The following GRID2 variants were observed in gnomAD, a reference collection of about 807,000 sequenced individuals.
GRID2 encodes the protein glutamate receptor ionotropic, delta-2.
Under a neutral mutation model 114.8 loss-of-function variants are expected in GRID2, and 33 were observed. The observed-to-expected ratio is 0.29, with a 90% CI of 0.22 to 0.38. GRID2 has a LOEUF of 0.38. Among genes scored for constraint, GRID2 ranks in the 10% least tolerant of loss-of-function variants. The probability of loss-of-function intolerance (pLI) is 1.00; values close to 1 mark genes in which losing one functional copy is unlikely to be tolerated. For synonymous variants in GRID2, 505 were observed against 449.9 expected (o/e 1.12, Z -1.55); for missense variants, 1,184 against 1,257.7 (o/e 0.94, Z 0.89).
chr4:92,346,946 C>T (rs985985784), intron 1 of GRID2, among the ~76,000 whole-genome samples: 1 of 152,142 alleles, frequency 6.6e-6, no homozygotes, highest in African/African-American at 2.4e-5. Flanking sequence ...CTATCTATCT[C>T]ATCATCTTTT....
At chr4:93,569,383 G>T (rs541410191) in intron 13 of GRID2, among the ~76,000 whole-genome samples, 3 of 151,838 alleles carry the variant, frequency 2.0e-5, no homozygotes, top group Non-Finnish European at 4.4e-5. Context: ...CTCAACTCAC[G>T]CATCCTTTTG....
At position 92,316,278 on chromosome 4, in the gene GRID2, A is replaced by G. The variant is rs568194064; in HGVS notation, c.88+11534A>G. On this transcript the variant is annotated intron_variant, in intron 1 of 15. Coordinates refer to ENST00000282020, the MANE Select transcript of GRID2 (RefSeq NM_001510.4). Reference sequence around the variant, plus strand: ...AGCCCAGTAGAAGCATGGCCTATATAAGAACCATTATACATTTCTTCTTAA... The same window carrying G: ...AGCCCAGTAGAAGCATGGCCTATATGAGAACCATTATACATTTCTTCTTAA... Among the ~76,000 whole-genome samples, 23 of 152,268 alleles carry G rather than the reference A, an allele frequency of 1.5e-4. No individual in the cohort carries two copies. In the East Asian group the frequency reaches 4.2e-3, roughly 28 times the overall value.
At chr4:93,167,514 T>A (rs1388937460) in intron 4 of GRID2, among the ~76,000 whole-genome samples, 1 of 152,088 alleles carries the variant, frequency 6.6e-6, no homozygotes, top group African/African-American at 2.4e-5. Flanking sequence ...TTGGGTAGGC[T>A]CCTTTTTTGA....
chr4:92,458,327 C>T (rs925496585), intron 1 of GRID2, among the ~76,000 whole-genome samples: 1 of 152,078 alleles, frequency 6.6e-6, no homozygotes, highest in Non-Finnish European at 1.5e-5. Context: ...GTGACCTTGG[C>T]GATTTCATAT....
Position 92,738,941 on chromosome 4 carries a change from T to A in GRID2, c.244+148655T>A, listed in dbSNP as rs769302857. Among the ~76,000 whole-genome samples the A allele has an allele frequency of 3.9e-5, 6 of 152,178 alleles. No homozygotes were observed. In the South Asian group the frequency reaches 8.3e-4, roughly 21 times the overall value. The stretch of plus-strand genomic sequence containing the variant: ...TGTTGGCCTCCCAAAGTGCTGGGAT[T>A]ACAGGCAGGCGCCGTAACACACAGT... On this transcript the variant is annotated intron_variant, in intron 2 of 15. Coordinates refer to ENST00000282020, the MANE Select transcript of GRID2 (RefSeq NM_001510.4).
chr4:93,285,831 G>T (rs1046341755), intron 8 of GRID2, among the ~76,000 whole-genome samples: 1 of 151,906 alleles, frequency 6.6e-6, no homozygotes, highest in African/African-American at 2.4e-5. Flanking sequence ...GGGTAAGATT[G>T]CATAATTTGT....
rs1475428922 is a variant in GRID2, at chr4:93,745,316, G to GA, written c.2361-23887dup. 3.3e-5 allele frequency among the ~76,000 whole-genome samples: 5 copies of GA among 151,998 alleles called. No individual in the cohort carries two copies. In the East Asian group the frequency reaches 9.7e-4, roughly 29 times the overall value. On this transcript the variant is annotated intron_variant, in intron 14 of 15. Transcript: ENST00000282020. ...CCTTTACTGAATCACAGCAGACTTAGAAAAAAAGAGAGAATAGAAATCAAT... is the reference window on the plus strand; with the variant it reads ...CCTTTACTGAATCACAGCAGACTTAGAAAAAAAAGAGAGAATAGAAATCAAT...
chr4:92,450,017 C>T (rs1252559684), intron 1 of GRID2, among the ~76,000 whole-genome samples: 1 of 151,916 alleles, frequency 6.6e-6, no homozygotes, highest in Non-Finnish European at 1.5e-5. Flanking sequence ...AATATTCTAT[C>T]ATGGGTATCA....
chr4:92,858,035 C>G (rs567374774), intron 2 of GRID2, among the ~76,000 whole-genome samples: 1 of 152,194 alleles, frequency 6.6e-6, no homozygotes, highest in Non-Finnish European at 1.5e-5. Context: ...TACTGAGTAT[C>G]TTAAGCCCAC....
chr4:93,658,940 G>A (rs1487278973), intron 14 of GRID2, among the ~76,000 whole-genome samples: 2 of 152,122 alleles, frequency 1.3e-5, no homozygotes, highest in African/African-American at 4.8e-5. Context: ...ATGGCTCAGA[G>A]GATAAGTTTT....
At position 93,179,734 on chromosome 4, in the gene GRID2, G is replaced by A. The variant is rs371852079; in HGVS notation, c.736-27670G>A. On this transcript the variant is annotated intron_variant, in intron 4 of 15. Transcript: ENST00000282020. ...AAGCTTGGAAGAATTACATAATAACGTAACCAAGGTACCACAAAAATAGTA... is the reference window on the plus strand; with the variant it reads ...AAGCTTGGAAGAATTACATAATAACATAACCAAGGTACCACAAAAATAGTA... 3.4e-4 allele frequency among the ~76,000 whole-genome samples: 51 copies of A among 152,142 alleles called. 1 individual carries two copies. The East Asian group carries it at 7.7e-3, about 23-fold the overall frequency.
At chr4:93,392,239 T>TA (rs753110177) in intron 8 of GRID2, among the ~76,000 whole-genome samples, 50 of 151,788 alleles carry the variant, frequency 3.3e-4, no homozygotes, top group Middle Eastern at 3.4e-3. Flanking sequence ...GACTCATTGT[T>TA]AAAAAAAACA....
chr4:92,341,714 C>T (rs1371777775), intron 1 of GRID2, among the ~76,000 whole-genome samples: 1 of 151,858 alleles, frequency 6.6e-6, no homozygotes, highest in African/African-American at 2.4e-5. Flanking sequence ...AGATTGAGAC[C>T]ATCCTGGCTA....
At chr4:92,672,413 A>G (rs12643408) in intron 2 of GRID2, among the ~76,000 whole-genome samples, 9,254 of 152,170 alleles carry the variant, frequency 0.061, 339 homozygotes, top group East Asian at 0.16. Flanking sequence ...ATGTTAAAAT[A>G]CATGTAATAG....
At chr4:92,652,856 A>C (rs947277994) in intron 2 of GRID2, among the ~76,000 whole-genome samples, 21 of 109,748 alleles carry the variant, frequency 1.9e-4, no homozygotes, top group African/African-American at 6.5e-4. Context: ...TATATATAAT[A>C]TATAAATACA....
chr4:92,333,118 A>G (rs756094305), intron 1 of GRID2, among the ~76,000 whole-genome samples: 1 of 152,240 alleles, frequency 6.6e-6, no homozygotes, highest in African/African-American at 2.4e-5. Flanking sequence ...CTGGTCTCCC[A>G]GGCTGTCTGA....
chr4:92,390,090 C>G (rs1730168029), intron 1 of GRID2, among the ~76,000 whole-genome samples: 1 of 152,016 alleles, frequency 6.6e-6, no homozygotes, highest in African/African-American at 2.4e-5. Context: ...AGCACAATTA[C>G]AGATGGGGAT....
chr4:93,233,158 G>C (rs1210675818), intron 7 of GRID2, among the ~76,000 whole-genome samples: 1 of 151,950 alleles, frequency 6.6e-6, no homozygotes, highest in Non-Finnish European at 1.5e-5. Flanking sequence ...TTGTAGGAAA[G>C]AGAGCTTAAC....
chr4:93,235,938 A>G (rs561958461), intron 7 of GRID2, among the ~76,000 whole-genome samples: 4 of 152,212 alleles, frequency 2.6e-5, no homozygotes, highest in African/African-American at 9.6e-5. Flanking sequence ...TAGTAGTTTT[A>G]TGTAGCAATT....
Sources: gnomAD v4.1 joint callset for allele counts (sites outside exome capture counted in the v4.1 genomes callset) on GRCh38, gnomAD v4.1.1 for gene constraint, MANE v1.5 for transcripts, NCBI Gene and HGNC (gene_info 2026-07-23, HGNC 2026-07-21) for gene names.